The following AMMECR1 variants were observed in gnomAD, a reference collection of about 807,000 sequenced individuals.
The protein encoded by AMMECR1 is nuclear protein AMMECR1.
AMMECR1 carries 3 observed loss-of-function variants against 22.5 expected under a neutral mutation model. That is an observed-to-expected ratio of 0.13 (90% CI 0.06 to 0.35). The LOEUF (loss-of-function observed/expected upper bound fraction) is 0.35, where lower values mean the gene tolerates loss of function less well. Ranked by LOEUF, AMMECR1 falls within the 10% of genes least tolerant of loss-of-function variation. The pLI, the probability that AMMECR1 is intolerant of heterozygous loss-of-function variation, is 1.00. For missense variants in AMMECR1, 235 were observed against 278.7 expected (o/e 0.84, Z 1.12); for synonymous variants, 130 against 116.7 (o/e 1.11, Z -0.74).
chrX:110,430,426 A>T (rs1176457209), intron 1 of AMMECR1, among the ~76,000 whole-genome samples: 1 of 112,515 alleles, frequency 8.9e-6, no homozygotes, highest in Non-Finnish European at 1.9e-5. Flanking sequence ...TATTATCTTC[A>T]CATTACAGAG....
chrX:110,427,889 C>T (rs957972487), intron 1 of AMMECR1, among the ~76,000 whole-genome samples: 4 of 111,688 alleles, frequency 3.6e-5, no homozygotes, highest in African/African-American at 1.3e-4. Flanking sequence ...TGTGCCCATC[C>T]CTTCCTCCCT....
intron 2 of AMMECR1, among the ~76,000 whole-genome samples, chrX:110,258,362 A>C (rs910861383): frequency 6.3e-5 from 7 of 111,531 alleles, no homozygotes; most frequent in African/African-American, 2.3e-4. Flanking sequence ...GAGTGCATTA[A>C]CCTCATGGCT....
intron 2 of AMMECR1, among the ~76,000 whole-genome samples, chrX:110,230,536 C>G (rs1213659149): frequency 8.9e-6 from 1 of 111,913 alleles, no homozygotes; most frequent in Non-Finnish European, 1.9e-5. Context: ...TCACCAACAT[C>G]AAAGACCAAA....
intron 2 of AMMECR1, among the ~76,000 whole-genome samples, chrX:110,243,796 T>C (rs990797045): frequency 8.9e-6 from 1 of 111,733 alleles, no homozygotes; most frequent in Non-Finnish European, 1.9e-5. Flanking sequence ...AACTATTTTA[T>C]TTATTTTAAT....
chrX:110,307,955 G>A (rs183524009), intron 1 of AMMECR1, among the ~76,000 whole-genome samples: 6 of 95,442 alleles, frequency 6.3e-5, no homozygotes, highest in South Asian at 5.5e-4. Flanking sequence ...CTGCACCCTC[G>A]ACCTCCTGGG....
At position 110,317,742 on chromosome X, in the gene AMMECR1, TGAG is replaced by T. The variant is rs2148227459; in HGVS notation, c.327_329del (p.Ser112del). 3.4e-6 allele frequency: 4 copies of T among 1,190,633 alleles called. No individual in the cohort carries two copies. The South Asian group carries it at 5.5e-5, about 16-fold the overall frequency. ...GCGATGAGGACGAGGCGGCGGACGA[TGAG>T]GAGGGTGAGGAAGAGGTGGCGGCGG... is the stretch of plus-strand genomic sequence containing the variant. On this transcript the variant is annotated inframe_deletion, in exon 1 of 6. Coordinates refer to ENST00000262844, the MANE Select transcript of AMMECR1 (RefSeq NM_015365.3).
In AMMECR1 at chrX:110,196,945, TAATTC is replaced by T. The variant is rs2067373647; in HGVS notation, c.*1570_*1574del. 1 of 112,438 alleles carries T rather than the reference TAATTC, an allele frequency of 8.9e-6. No individual in the cohort carries two copies. The allele number at this position is 112,438 out of a possible 1,213,427, so 9.3% of individuals were successfully genotyped here. On this transcript the variant is annotated 3_prime_UTR_variant, in exon 6 of 6. Transcript: ENST00000262844. ...AGAATATATATTCTGCAGCATACTT[TAATTC>T]ATCACTTGATATGTTGGCTTCCTAT...
intron 2 of AMMECR1, chrX:110,219,520 A>G (rs1213145695): frequency 1.3e-6 from 1 of 749,266 alleles, no homozygotes; most frequent in Non-Finnish European, 1.6e-6. Flanking sequence ...TTTGAAATCA[A>G]TGTAATTTTC....
At chrX:110,212,603 C>G (rs1007910796) in intron 3 of AMMECR1, among the ~76,000 whole-genome samples, 5 of 112,187 alleles carry the variant, frequency 4.5e-5, no homozygotes, top group Non-Finnish European at 7.5e-5. Context: ...TAAACATACA[C>G]AGGACTTCAC....
At chrX:110,360,852 C>G (rs2068258417) in intron 2 of AMMECR1, among the ~76,000 whole-genome samples, 2 of 111,237 alleles carry the variant, frequency 1.8e-5, no homozygotes, top group Non-Finnish European at 3.8e-5. Flanking sequence ...AGACATTATA[C>G]AGGAAGAATT....
intron 2 of AMMECR1, among the ~76,000 whole-genome samples, chrX:110,402,851 A>C (rs902686967): frequency 8.0e-5 from 9 of 112,203 alleles, no homozygotes; most frequent in Admixed American, 2.8e-4. Context: ...GTCTCCTTTC[A>C]TGATTAGGAA....
intron 2 of AMMECR1, among the ~76,000 whole-genome samples, chrX:110,413,800 C>G (rs2068658599): frequency 1.8e-5 from 2 of 111,274 alleles, no homozygotes; most frequent in African/African-American, 6.6e-5. Context: ...CACCTTACTA[C>G]CTTCCCTCTC....
chrX:110,402,436 G>A (rs899297199), intron 2 of AMMECR1, among the ~76,000 whole-genome samples: 3 of 113,004 alleles, frequency 2.7e-5, no homozygotes, highest in African/African-American at 6.4e-5. Context: ...TTTCCTGTCA[G>A]GGAGAGGAGA....
At chrX:110,375,560 GAATC>G (rs754150916) in intron 2 of AMMECR1, among the ~76,000 whole-genome samples, 2,181 of 103,595 alleles carry the variant, frequency 0.021, 52 homozygotes, top group African/African-American at 0.083. Flanking sequence ...ATGAATGAAT[GAATC>G]AATCAATCAA....
At chrX:110,356,407 G>A (rs927669662) in intron 2 of AMMECR1, among the ~76,000 whole-genome samples, 1 of 109,859 alleles carries the variant, frequency 9.1e-6, no homozygotes, top group Non-Finnish European at 1.9e-5. Context: ...CACCTGCCTC[G>A]GCCTCCCAAA....
intron 2 of AMMECR1, among the ~76,000 whole-genome samples, chrX:110,224,607 T>G (rs1451747067): frequency 2.7e-5 from 3 of 111,713 alleles, no homozygotes; most frequent in Non-Finnish European, 5.6e-5. Context: ...TCCATTATAC[T>G]GCAGGCAGGG....
At chrX:110,242,155 C>T (rs899330936) in intron 2 of AMMECR1, among the ~76,000 whole-genome samples, 1 of 111,624 alleles carries the variant, frequency 9.0e-6, no homozygotes, top group East Asian at 2.8e-4. Context: ...TGCACATCAT[C>T]GGTGCTCTAC....
intron 2 of AMMECR1, among the ~76,000 whole-genome samples, chrX:110,410,013 G>A (rs1171940090): frequency 8.9e-6 from 1 of 111,969 alleles, no homozygotes; most frequent in East Asian, 2.8e-4. Context: ...TCCGAGATGA[G>A]GACTTGAATT....
intron 2 of AMMECR1, among the ~76,000 whole-genome samples, chrX:110,421,826 A>G (rs760777064): frequency 1.8e-5 from 2 of 112,736 alleles, no homozygotes; most frequent in South Asian, 3.7e-4. Context: ...GCCTTTGCCA[A>G]CCACCTTGAG....
Sources: allele counts gnomAD v4.1 joint callset (sites outside exome capture counted in the v4.1 genomes callset), GRCh38; gene constraint gnomAD v4.1.1; transcripts MANE v1.5; gene names NCBI Gene and HGNC (gene_info 2026-07-23, HGNC 2026-07-21).